The following UGT1A10 variants were observed in gnomAD, a reference collection of about 807,000 sequenced individuals.
The protein encoded by UGT1A10 is UDP glucuronosyltransferase family 1 member A10.
UGT1A10 carries 49 observed loss-of-function variants against 45.8 expected under a neutral mutation model. That is an observed-to-expected ratio of 1.07 (90% CI 0.85 to 1.36). The LOEUF is 1.36. Ranked by LOEUF, UGT1A10 falls within the 40% of genes most tolerant of loss-of-function variation. UGT1A10 has a pLI of 0.00. For synonymous variants in UGT1A10, 284 were observed against 249.7 expected, an observed-to-expected ratio of 1.14 and a Z score of -1.29; for missense variants, 745 against 668.6, an observed-to-expected ratio of 1.11 and a Z score of -1.26.
Position 233,760,623 on chromosome 2 carries a change from A to G in UGT1A10, c.856-6411A>G, listed in dbSNP as rs181505697. ...CTTTCCTGCAGCGTGTGATCAAAAC[A>G]TACAAGAAAATAAAAAAGGACTCTG... On this transcript the variant is annotated intron_variant, in intron 1 of 4. Transcript: ENST00000344644. 5 of 1,614,198 alleles carry G rather than the reference A, an allele frequency of 3.1e-6. No homozygotes were observed. In the African/African-American group the frequency reaches 6.7e-5, roughly 22 times the overall value.
intron 1 of UGT1A10, among the ~76,000 whole-genome samples, chr2:233,724,154 G>A (rs1327662182): frequency 4.4e-3 from 337 of 76,566 alleles, no homozygotes; most frequent in Admixed American, 6.4e-3. Context: ...CTGGCCGGGT[G>A]GGGGGGCTGA....
Position 233,637,150 on chromosome 2 carries a change from C to G in UGT1A10, c.628C>G (p.His210Asp). The change falls in exon 1 of 5, where the codon CAC becomes GAC. Residue 210 changes from histidine (H) to aspartate (D), a missense_variant. Coordinates refer to ENST00000344644, the MANE Select transcript of UGT1A10 (RefSeq NM_019075.4). Reference protein sequence around the residue: ...AMTFKERVWNHIVHLEDHLFC... With the variant: ...AMTFKERVWNDIVHLEDHLFC... ...GACTTTCAAGGAGAGAGTATGGAAC[C>G]ACATCGTGCACTTGGAGGACCATTT... 6.2e-7 allele frequency: 1 copy of G among 1,613,928 alleles called. No individual in the cohort carries two copies. The highest frequency in any genetic ancestry group is 1.3e-5 in the African/African-American group (1 of 74,998).
chr2:233,658,716 C>T (rs2073905301), intron 1 of UGT1A10, among the ~76,000 whole-genome samples: 1 of 152,200 alleles, frequency 6.6e-6, no homozygotes, highest in African/African-American at 2.4e-5. Context: ...GGATAGCCAA[C>T]TCTTGAAAAG....
intron 1 of UGT1A10, among the ~76,000 whole-genome samples, chr2:233,715,749 G>C (rs1295869903): frequency 1.3e-5 from 2 of 152,196 alleles, no homozygotes; most frequent in African/African-American, 2.4e-5. Flanking sequence ...TCCAGCCTGA[G>C]TGACAGAGCG....
chr2:233,720,775 C>T (rs1334644827), intron 1 of UGT1A10, among the ~76,000 whole-genome samples: 5 of 151,426 alleles, frequency 3.3e-5, no homozygotes, highest in African/African-American at 4.9e-5. Flanking sequence ...GCCGGATCTC[C>T]GCTCACTGCA....
intron 1 of UGT1A10, among the ~76,000 whole-genome samples, chr2:233,656,063 T>C (rs2073846760): frequency 6.6e-6 from 1 of 151,826 alleles, no homozygotes; most frequent in South Asian, 2.1e-4. Context: ...GGAGAAGGGA[T>C]GGGGTAGGAG....
Position 233,772,595 on chromosome 2 carries a change from T to C in UGT1A10, c.*36T>C. On this transcript the variant is annotated 3_prime_UTR_variant, in exon 5 of 5. Transcript: ENST00000344644. ...GGAAATAAGGTAAAATTTTGAACCA[T>C]TCCCTAGTCATTTCCAAACTTGAAA... 1 of 1,596,790 alleles carries C rather than the reference T, an allele frequency of 6.3e-7. No homozygotes were observed. Among genetic ancestry groups the C allele is most frequent in the Non-Finnish European group, 8.5e-7 (1 of 1,170,806 alleles).
chr2:233,655,570 C>T (rs1458072802), intron 1 of UGT1A10, among the ~76,000 whole-genome samples: 1 of 151,958 alleles, frequency 6.6e-6, no homozygotes, highest in Non-Finnish European at 1.5e-5. Flanking sequence ...TCATCTTGTC[C>T]TAGAAAAACT....
chr2:233,702,473 C>A (rs550739949), intron 1 of UGT1A10, among the ~76,000 whole-genome samples: 2 of 152,066 alleles, frequency 1.3e-5, no homozygotes, highest in South Asian at 2.1e-4. Flanking sequence ...ATCTAATTGC[C>A]CTGGCTTGAA....
chr2:233,679,102 T>A (rs1253930017), intron 1 of UGT1A10, among the ~76,000 whole-genome samples: 1 of 152,226 alleles, frequency 6.6e-6, no homozygotes, highest in Non-Finnish European at 1.5e-5. Flanking sequence ...CTGTGTGTAA[T>A]GAGTTCTAAA....
intron 1 of UGT1A10, among the ~76,000 whole-genome samples, chr2:233,695,491 T>C (rs2075292104): frequency 6.6e-6 from 1 of 152,018 alleles, no homozygotes; most frequent in South Asian, 2.1e-4. Context: ...CTCTTTTCTA[T>C]CAAAGTTTTT....
intron 1 of UGT1A10, among the ~76,000 whole-genome samples, chr2:233,695,933 C>T (rs891673368): frequency 9.9e-5 from 15 of 152,070 alleles, no homozygotes; most frequent in African/African-American, 3.6e-4. Context: ...AGCAAGCAGG[C>T]AATTCTGCCA....
At chr2:233,758,681 T>C (rs543730611) in intron 1 of UGT1A10, among the ~76,000 whole-genome samples, 2 of 152,218 alleles carry the variant, frequency 1.3e-5, no homozygotes, top group Admixed American at 6.5e-5. Context: ...ATATGTCCCA[T>C]AGGACACCAA....
At chr2:233,746,247 A>G (rs939163155) in intron 1 of UGT1A10, among the ~76,000 whole-genome samples, 1 of 151,776 alleles carries the variant, frequency 6.6e-6, no homozygotes, top group Non-Finnish European at 1.5e-5. Context: ...AAAAGATACA[A>G]GGCAGAACAG....
At chr2:233,768,734 C>T (rs1487456172) in intron 4 of UGT1A10, among the ~76,000 whole-genome samples, 1 of 151,720 alleles carries the variant, frequency 6.6e-6, no homozygotes, top group Non-Finnish European at 1.5e-5. Context: ...AGGTGTCCAC[C>T]ACCACGCCCG....
intron 1 of UGT1A10, among the ~76,000 whole-genome samples, chr2:233,750,216 G>A (rs192238866): frequency 1.3e-5 from 2 of 151,994 alleles, no homozygotes; most frequent in Middle Eastern, 3.4e-3. Flanking sequence ...AGTCTCAGAT[G>A]GAGATGAGGA....
chr2:233,671,603 T>C (rs2741046), intron 1 of UGT1A10, among the ~76,000 whole-genome samples: 32,907 of 152,178 alleles, frequency 0.22, 4,573 homozygotes, highest in South Asian at 0.33. Flanking sequence ...CAAATTTACT[T>C]TTACTTTATC....
At chr2:233,744,445 T>A (rs1692819462) in intron 1 of UGT1A10, among the ~76,000 whole-genome samples, 1 of 151,876 alleles carries the variant, frequency 6.6e-6, no homozygotes, top group Non-Finnish European at 1.5e-5. Context: ...ACGTACTGCA[T>A]TAGAGATTAA....
chr2:233,646,494 C>T (rs1229102581), intron 1 of UGT1A10, among the ~76,000 whole-genome samples: 1 of 152,212 alleles, frequency 6.6e-6, no homozygotes. Context: ...ATGCCTTTAA[C>T]AGCACCCAAA....
Sources: allele counts gnomAD v4.1 joint callset (sites outside exome capture counted in the v4.1 genomes callset), GRCh38; gene constraint gnomAD v4.1.1; transcripts MANE v1.5; gene names NCBI Gene and HGNC (gene_info 2026-07-23, HGNC 2026-07-21).